The following ENO4 variants were observed in gnomAD, a reference collection of about 807,000 sequenced individuals.
ENO4 encodes the protein enolase 4, also known as 2-phospho-D-glycerate hydro-lyase.
A neutral mutation model predicts 63.2 loss-of-function variants in ENO4; 53 were observed. The observed-to-expected ratio is 0.84, with a 90% CI of 0.67 to 1.05. ENO4 has a LOEUF of 1.05. ENO4 is among the 50% of genes least tolerant of loss of function. The probability of loss-of-function intolerance (pLI) is 0.00; values close to 1 mark genes in which losing one functional copy is unlikely to be tolerated. For missense variants in ENO4, 719 were observed against 772.0 expected (o/e 0.93, Z 0.81); for synonymous variants, 266 against 283.8 (o/e 0.94, Z 0.63).
intron 8 of ENO4, among the ~76,000 whole-genome samples, chr10:116,869,116 C>T (rs1413067941): frequency 2.6e-5 from 4 of 152,204 alleles, no homozygotes; most frequent in Admixed American, 2.0e-4. Context: ...TCCATCTGGT[C>T]CCCCAAAGGC....
At chr10:116,875,916 T>A in intron 10 of ENO4, 149 bp from the exon 11 acceptor site, 1 of 554,354 alleles carries the variant, frequency 1.8e-6, no homozygotes, top group East Asian at 3.2e-5. Context: ...GTGGCTGTGG[T>A]ACAGGGTCAT....
At chr10:116,911,773 C>G in exon 11 of ENO4, 1 of 1,604,352 alleles carries the variant, frequency 6.2e-7, no homozygotes, top group Admixed American at 1.7e-5. Flanking sequence ...AAACAATAAA[C>G]TGAAATCTAT....
intron 1 of ENO4, among the ~76,000 whole-genome samples, chr10:116,855,130 T>TA (rs1846225227): frequency 6.6e-6 from 1 of 150,618 alleles, no homozygotes; most frequent in South Asian, 2.1e-4. Context: ...CCATCTCTAC[T>TA]AAAAATACAA....
intron 10 of ENO4, among the ~76,000 whole-genome samples, chr10:116,906,206 T>C (rs1363706086): frequency 6.6e-6 from 1 of 152,270 alleles, no homozygotes; most frequent in African/African-American, 2.4e-5. Flanking sequence ...ATTATTCTCA[T>C]TATATAGATG....
intron 10 of ENO4, among the ~76,000 whole-genome samples, chr10:116,892,582 G>C (rs1277000756): frequency 1.3e-5 from 2 of 152,040 alleles, no homozygotes; most frequent in Non-Finnish European, 2.9e-5. Flanking sequence ...CAAAATACTT[G>C]CATTTTCATT....
chr10:116,877,268 C>T (rs1454409601), intron 11 of ENO4, among the ~76,000 whole-genome samples: 2 of 152,248 alleles, frequency 1.3e-5, no homozygotes, highest in East Asian at 3.9e-4. Context: ...GATAAGGAGT[C>T]AACACCTTAA....
At chr10:116,889,856 T>C (rs1847281194) in intron 10 of ENO4, among the ~76,000 whole-genome samples, 1 of 152,236 alleles carries the variant, frequency 6.6e-6, no homozygotes, top group African/African-American at 2.4e-5. Context: ...ATTTTTCCCC[T>C]GTGGTTTGTA....
At chr10:116,859,846 G>GGGAC (rs1846362943) in intron 4 of ENO4, among the ~76,000 whole-genome samples, 1 of 152,174 alleles carries the variant, frequency 6.6e-6, no homozygotes, top group South Asian at 2.1e-4. Context: ...GAACCAGGAA[G>GGGAC]GGACCAAAGA....
At chr10:116,875,634 G>A (rs1223985745) in intron 10 of ENO4, among the ~76,000 whole-genome samples, 1 of 151,376 alleles carries the variant, frequency 6.6e-6, no homozygotes, top group Non-Finnish European at 1.5e-5. Flanking sequence ...CATTTCATAT[G>A]ATAGTCTCAC....
intron 4 of ENO4, among the ~76,000 whole-genome samples, chr10:116,859,687 A>C (rs746765927): frequency 6.6e-6 from 1 of 152,200 alleles, no homozygotes; most frequent in Non-Finnish European, 1.5e-5. Context: ...TGGTATAATA[A>C]CAGGGTTTTG....
At chr10:116,883,263 C>T (rs1005379765), downstream of ENO4, 1 of 151,980 alleles carries the variant, frequency 6.6e-6, no homozygotes, top group African/African-American at 2.4e-5. Flanking sequence ...CTTTCTCTCT[C>T]TTGTGTTATA....
rs1197021378 is a variant in ENO4 at position 116,859,157 on chromosome 10, T to G, written c.634+19T>G. On this transcript the variant is annotated intron_variant, in intron 4 of 13. Transcript: ENST00000341276. ...AAGCCAGGTTGGTTGGTGACTTATC[T>G]TGCAGAGTCGTTAGTAACAAATGTG... 1 of 1,516,028 alleles carries G rather than the reference T, an allele frequency of 6.6e-7. No homozygotes were observed. The highest frequency in any genetic ancestry group is 1.4e-5 in the African/African-American group (1 of 72,174). The allele number at this position is 1,516,028 out of a possible 1,614,324, so 93.9% of individuals were successfully genotyped here. A position where few individuals can be genotyped will look rare whatever the true frequency, so the allele number is the denominator to read the frequency against.
chr10:116,859,265 C>A, intron 4 of ENO4, 127 bp downstream of exon 4: 3 of 1,024,988 alleles, frequency 2.9e-6, no homozygotes, highest in Non-Finnish European at 3.9e-6. Context: ...TAAAAGCCAT[C>A]CATCCTATGC....
At chr10:116,884,123 G>A (rs1847097317), downstream of ENO4, 1 of 428,074 alleles carries the variant, frequency 2.3e-6, no homozygotes, top group Non-Finnish European at 4.8e-6. Context: ...ACATAAAGAT[G>A]CAGTCTTTTC....
chr10:116,856,739 C>G, intron 3 of ENO4, 57 bp downstream of exon 3: 2 of 1,384,392 alleles, frequency 1.4e-6, no homozygotes, highest in Non-Finnish European at 1.9e-6. Flanking sequence ...CAGTGGCTCA[C>G]GCCTGTAATC....
intron 1 of ENO4, among the ~76,000 whole-genome samples, chr10:116,852,001 C>T (rs1846102313): frequency 6.6e-6 from 1 of 152,100 alleles, no homozygotes; most frequent in Non-Finnish European, 1.5e-5. Flanking sequence ...TTGTACTGCT[C>T]ATAATCCCCA....
rs547779544 is a variant in ENO4 at position 116,858,246 on chromosome 10, A to G, written c.486-744A>G. Among the ~76,000 whole-genome samples the G allele has an allele frequency of 8.5e-5, 13 of 152,278 alleles. No homozygotes were observed. In the East Asian group the frequency reaches 2.5e-3, roughly 29 times the overall value. On this transcript the variant is annotated intron_variant, in intron 3 of 13. Transcript: ENST00000341276. ...TTGCTGGATTGTATCCTTTAAAAGTAAGGATGAGAAAGGGTATATGGGATG... is the reference window on the plus strand; with the variant it reads ...TTGCTGGATTGTATCCTTTAAAAGTGAGGATGAGAAAGGGTATATGGGATG...
chr10:116,894,153 G>T (rs1467576646), intron 10 of ENO4, among the ~76,000 whole-genome samples: 11 of 152,082 alleles, frequency 7.2e-5, no homozygotes, highest in Non-Finnish European at 1.6e-4. Context: ...TTTATCTTTT[G>T]TCAACTACCC....
At chr10:116,862,751 A>G in intron 6 of ENO4, 48 bp from the exon 7 acceptor site, 1 of 1,445,872 alleles carries the variant, frequency 6.9e-7, no homozygotes. Flanking sequence ...TTTATACTTA[A>G]ATTTTCTAGT....
Sources: gnomAD v4.1 joint callset for allele counts (sites outside exome capture counted in the v4.1 genomes callset) on GRCh38, gnomAD v4.1.1 for gene constraint, MANE v1.5 for transcripts, NCBI Gene and HGNC (gene_info 2026-07-23, HGNC 2026-07-21) for gene names.